The following TTC29 variants were observed in gnomAD, a reference collection of about 807,000 sequenced individuals.
The protein encoded by TTC29 is tetratricopeptide repeat protein 29.
A neutral mutation model predicts 58.1 loss-of-function variants in TTC29; 49 were observed. The observed-to-expected ratio is 0.84, with a 90% CI of 0.67 to 1.07. The LOEUF is 1.07. Ranked by LOEUF, TTC29 falls within the 50% of genes least tolerant of loss-of-function variation. The pLI, the probability that TTC29 is intolerant of heterozygous loss-of-function variation, is 0.00. For missense variants in TTC29, 582 were observed against 555.6 expected, an observed-to-expected ratio of 1.05 and a Z score of -0.48; for synonymous variants, 209 against 196.8, an observed-to-expected ratio of 1.06 and a Z score of -0.52.
intron 8 of TTC29, among the ~76,000 whole-genome samples, chr4:146,839,998 C>T (rs1391026463): frequency 6.6e-6 from 1 of 152,024 alleles, no homozygotes; most frequent in Non-Finnish European, 1.5e-5. Flanking sequence ...CACATCATTT[C>T]TTCTAAACTA....
chr4:146,808,313 C>G (rs1470663909), intron 10 of TTC29, among the ~76,000 whole-genome samples: 1 of 152,156 alleles, frequency 6.6e-6, no homozygotes, highest in African/African-American at 2.4e-5. Context: ...GGAAGCATTC[C>G]CTTTGAAAAC....
At chr4:146,749,550 T>A (rs917720993) in intron 11 of TTC29, among the ~76,000 whole-genome samples, 2 of 152,066 alleles carry the variant, frequency 1.3e-5, no homozygotes, top group African/African-American at 4.8e-5. Flanking sequence ...ATTTACTTAT[T>A]TTATTTATTT....
At chr4:146,786,298 T>C (rs1232496164) in intron 11 of TTC29, among the ~76,000 whole-genome samples, 1 of 152,240 alleles carries the variant, frequency 6.6e-6, no homozygotes, top group Non-Finnish European at 1.5e-5. Flanking sequence ...AGACTGGCAC[T>C]GCCAGGCAAC....
At chr4:146,725,794 T>C (rs187235899) in intron 11 of TTC29, among the ~76,000 whole-genome samples, 6 of 152,304 alleles carry the variant, frequency 3.9e-5, no homozygotes, top group Admixed American at 2.6e-4. Context: ...GCTCCAATAT[T>C]GTAGAGCATT....
intron 11 of TTC29, among the ~76,000 whole-genome samples, chr4:146,730,846 A>T (rs1744280207): frequency 6.6e-6 from 1 of 152,198 alleles, no homozygotes; most frequent in Non-Finnish European, 1.5e-5. Flanking sequence ...AAGAATAGGA[A>T]GGGAGGAATT....
At chr4:146,767,315 T>G (rs1561105530) in intron 11 of TTC29, among the ~76,000 whole-genome samples, 1 of 151,932 alleles carries the variant, frequency 6.6e-6, no homozygotes, top group South Asian at 2.1e-4. Context: ...AATGCAGCCA[T>G]TTTTTAATGA....
chr4:146,792,176 G>A (rs1354672685), intron 11 of TTC29, among the ~76,000 whole-genome samples: 2 of 152,214 alleles, frequency 1.3e-5, no homozygotes. Flanking sequence ...GGAAGAAGAT[G>A]CTATCTAGGG....
chr4:146,932,840 A>AG (rs966938363), intron 4 of TTC29, among the ~76,000 whole-genome samples: 13 of 152,252 alleles, frequency 8.5e-5, no homozygotes, highest in African/African-American at 2.6e-4. Context: ...GTGGATCACA[A>AG]GGTCAGGAGA....
At chr4:146,871,498 G>GCA (rs1362912112) in intron 7 of TTC29, among the ~76,000 whole-genome samples, 1 of 151,814 alleles carries the variant, frequency 6.6e-6, no homozygotes, top group Non-Finnish European at 1.5e-5. Context: ...CCATAGTCTT[G>GCA]TATATAGAGA....
chr4:146,848,598 A>C (rs1729322616), intron 8 of TTC29, among the ~76,000 whole-genome samples: 1 of 152,202 alleles, frequency 6.6e-6, no homozygotes, highest in South Asian at 2.1e-4. Flanking sequence ...GGCAAAACAA[A>C]CTGCTGCTAG....
At chr4:146,753,233 T>C (rs1329425828) in intron 11 of TTC29, among the ~76,000 whole-genome samples, 1 of 152,040 alleles carries the variant, frequency 6.6e-6, no homozygotes, top group Non-Finnish European at 1.5e-5. Flanking sequence ...CATCAAAAAG[T>C]GGGCAAAGGA....
chr4:146,908,992 C>T, intron 5 of TTC29, 34 bp downstream of exon 5: 2 of 1,579,184 alleles, frequency 1.3e-6, no homozygotes, highest in Non-Finnish European at 1.7e-6. Flanking sequence ...TGTTCTGGCT[C>T]CTTCTGTGCT....
At chr4:146,885,126 C>T (rs1401038046) in intron 6 of TTC29, among the ~76,000 whole-genome samples, 1 of 151,950 alleles carries the variant, frequency 6.6e-6, no homozygotes, top group Non-Finnish European at 1.5e-5. Context: ...TTTCCTGGTT[C>T]TAGCAACCAA....
At chr4:146,890,046 C>T (rs1245052072) in intron 6 of TTC29, among the ~76,000 whole-genome samples, 2 of 151,996 alleles carry the variant, frequency 1.3e-5, no homozygotes, top group African/African-American at 4.8e-5. Flanking sequence ...GAAATAACAT[C>T]TTTGGTTACT....
Position 146,846,423 on chromosome 4 carries a change from C to T in TTC29, c.886-12526G>A, listed in dbSNP as rs1299962275. The stretch of plus-strand genomic sequence containing the variant: ...TGGTATTTGGAACGATTCTTCTTAT[C>T]TGTGGAGGAAATATAAAACATTTTT... On this transcript the variant is annotated intron_variant, in intron 8 of 12. Transcript: ENST00000325106. 6.6e-5 allele frequency among the ~76,000 whole-genome samples: 10 copies of T among 152,270 alleles called. No individual in the cohort carries two copies. In the East Asian group the frequency reaches 1.7e-3, roughly 26 times the overall value.
intron 2 of TTC29, chr4:146,942,593 G>T: frequency 6.5e-7 from 1 of 1,532,870 alleles, no homozygotes; most frequent in Non-Finnish European, 8.7e-7. Context: ...CTTCAGAGGA[G>T]CTGTGAAGAC....
intron 8 of TTC29, among the ~76,000 whole-genome samples, chr4:146,843,795 T>A (rs1421737590): frequency 2.0e-5 from 3 of 152,220 alleles, no homozygotes; most frequent in African/African-American, 7.2e-5. Context: ...CAATTTACTT[T>A]ATCTCTTTAA....
rs115644239 is a variant in TTC29, at chr4:146,888,989, C to A, written c.587-14061G>T. Among the ~76,000 whole-genome samples the A allele has an allele frequency of 8.7e-3, 1,319 of 152,302 alleles. 18 individuals are homozygous for A. Among genetic ancestry groups the A allele is most frequent in the African/African-American group, 0.03 (1,268 of 41,574 alleles). On this transcript the variant is annotated intron_variant, in intron 6 of 12. Coordinates refer to ENST00000325106, the MANE Select transcript of TTC29 (RefSeq NM_031956.4). ...AGTCTAGGTTTACTACCCAGTCTAA[C>A]ACATTTTTCCACTGCTACACTTGAG...
At chr4:146,727,587 A>C (rs111700127) in intron 11 of TTC29, among the ~76,000 whole-genome samples, 2 of 152,304 alleles carry the variant, frequency 1.3e-5, no homozygotes, top group African/African-American at 4.8e-5. Context: ...AGTTGAAATC[A>C]TATAATATGT....
Sources: allele counts gnomAD v4.1 joint callset (sites outside exome capture counted in the v4.1 genomes callset), GRCh38; gene constraint gnomAD v4.1.1; transcripts MANE v1.5; gene names NCBI Gene and HGNC (gene_info 2026-07-23, HGNC 2026-07-21).